TTC29: variants seen among roughly 807,000 people sequenced by gnomAD.
TTC29 encodes tetratricopeptide repeat domain 29, also known as tetratricopeptide repeat protein 29.
In TTC29, 49 loss-of-function variants were observed where a neutral mutation model predicts 58.1. The ratio of observed to expected loss-of-function variants is 0.84; its 90% CI spans 0.67 to 1.07. TTC29 has a LOEUF of 1.07. Ranked by LOEUF, TTC29 falls within the 50% of genes least tolerant of loss-of-function variation. The probability of loss-of-function intolerance (pLI) is 0.00; values close to 1 mark genes in which losing one functional copy is unlikely to be tolerated. For synonymous variants in TTC29, 209 were observed against 196.8 expected, an observed-to-expected ratio of 1.06 and a Z score of -0.52; for missense variants, 582 against 555.6, an observed-to-expected ratio of 1.05 and a Z score of -0.48.
At chr4:146,913,067 G>C (rs1449752987) in intron 4 of TTC29, among the ~76,000 whole-genome samples, 1 of 152,114 alleles carries the variant, frequency 6.6e-6, no homozygotes, top group Non-Finnish European at 1.5e-5. Flanking sequence ...ACCTCCACGT[G>C]TTACCCTAGA....
intron 11 of TTC29, among the ~76,000 whole-genome samples, chr4:146,713,677 T>C (rs1268333807): frequency 6.6e-6 from 1 of 152,128 alleles, no homozygotes; most frequent in Non-Finnish European, 1.5e-5. Flanking sequence ...GCCAAGGGCT[T>C]TTATTAATAT....
intron 11 of TTC29, among the ~76,000 whole-genome samples, chr4:146,775,572 T>C (rs1296818867): frequency 6.6e-6 from 1 of 151,632 alleles, no homozygotes; most frequent in African/African-American, 2.4e-5. Context: ...GAATGCTGAA[T>C]ATAGGCCCCT....
intron 11 of TTC29, among the ~76,000 whole-genome samples, chr4:146,728,150 G>T (rs1743927842): frequency 6.6e-6 from 1 of 151,940 alleles, no homozygotes; most frequent in Non-Finnish European, 1.5e-5. Context: ...AGCCGGGCGA[G>T]GTGGTGGGCA....
intron 8 of TTC29, among the ~76,000 whole-genome samples, chr4:146,862,023 G>A (rs1034505317): frequency 6.6e-6 from 1 of 152,060 alleles, no homozygotes; most frequent in Admixed American, 6.6e-5. Context: ...AGCTGTTTCT[G>A]AGCCTTCTTA....
At chr4:146,938,315 A>C (rs1736038320) in intron 3 of TTC29, among the ~76,000 whole-genome samples, 1 of 152,146 alleles carries the variant, frequency 6.6e-6, no homozygotes, top group East Asian at 1.9e-4. Flanking sequence ...AACAAATATC[A>C]GTGTTTTATT....
intron 11 of TTC29, among the ~76,000 whole-genome samples, chr4:146,792,479 G>T (rs1749530686): frequency 6.6e-6 from 1 of 152,082 alleles, no homozygotes; most frequent in African/African-American, 2.4e-5. Context: ...ACTGCTCATT[G>T]ATAATGCATC....
intron 6 of TTC29, among the ~76,000 whole-genome samples, chr4:146,890,524 T>A (rs544409313): frequency 6.6e-6 from 1 of 152,184 alleles, no homozygotes; most frequent in South Asian, 2.1e-4. Context: ...ACAAGTGAGG[T>A]GCACCTGGGA....
chr4:146,811,150 T>C (rs1750997604), intron 10 of TTC29, among the ~76,000 whole-genome samples: 1 of 152,206 alleles, frequency 6.6e-6, no homozygotes, highest in Non-Finnish European at 1.5e-5. Context: ...TTGTTGTTGT[T>C]TGTTAGTCAG....
intron 4 of TTC29, among the ~76,000 whole-genome samples, chr4:146,912,187 G>A (rs543785790): frequency 6.6e-6 from 1 of 152,252 alleles, no homozygotes; most frequent in South Asian, 2.1e-4. Context: ...AAGCCATCCT[G>A]GGCCGCATGT....
At chr4:146,779,029 T>C (rs2150084688) in intron 11 of TTC29, among the ~76,000 whole-genome samples, 1 of 81,156 alleles carries the variant, frequency 1.2e-5, no homozygotes, top group African/African-American at 6.4e-5. Flanking sequence ...AGAAATGCTG[T>C]TGTAAGACTT....
At chr4:146,755,734 T>C (rs1156504708) in intron 11 of TTC29, among the ~76,000 whole-genome samples, 1 of 152,074 alleles carries the variant, frequency 6.6e-6, no homozygotes, top group African/African-American at 2.4e-5. Context: ...TTATATACCT[T>C]AGATATACCC....
intron 8 of TTC29, among the ~76,000 whole-genome samples, chr4:146,867,073 A>G (rs1730607483): frequency 6.6e-6 from 1 of 152,282 alleles, no homozygotes; most frequent in African/African-American, 2.4e-5. Context: ...GAAGATATAC[A>G]TCAATGCAGC....
intron 8 of TTC29, among the ~76,000 whole-genome samples, chr4:146,852,282 G>A (rs941540010): frequency 6.6e-6 from 1 of 152,164 alleles, no homozygotes; most frequent in Non-Finnish European, 1.5e-5. Flanking sequence ...TCATTAAGTG[G>A]AACAGATGAG....
chr4:146,933,542 A>C (rs1735510102), intron 4 of TTC29, among the ~76,000 whole-genome samples: 1 of 152,182 alleles, frequency 6.6e-6, no homozygotes, highest in Non-Finnish European at 1.5e-5. Flanking sequence ...AAGTACAGAA[A>C]CTCTTCGGAC....
intron 7 of TTC29, among the ~76,000 whole-genome samples, chr4:146,874,329 T>A (rs1731115515): frequency 1.3e-5 from 2 of 152,148 alleles, no homozygotes; most frequent in Non-Finnish European, 2.9e-5. Flanking sequence ...TTTTCCTTAT[T>A]ACCTGACCAT....
chr4:146,930,747 C>T (rs1187762285), intron 4 of TTC29, among the ~76,000 whole-genome samples: 1 of 152,132 alleles, frequency 6.6e-6, no homozygotes, highest in African/African-American at 2.4e-5. Context: ...CCATCTTGCC[C>T]CATACATTGA....
At chr4:146,862,577 A>T (rs1378017283) in intron 8 of TTC29, among the ~76,000 whole-genome samples, 3 of 152,220 alleles carry the variant, frequency 2.0e-5, no homozygotes, top group Non-Finnish European at 2.9e-5. Context: ...TTCAAATCTG[A>T]AGTCAAAGCA....
chr4:146,810,002 T>G (rs913689483), intron 10 of TTC29, among the ~76,000 whole-genome samples: 2 of 152,160 alleles, frequency 1.3e-5, no homozygotes, highest in Non-Finnish European at 2.9e-5. Context: ...AGCAAAGACT[T>G]GGAACCAACC....
chr4:146,910,596 T>C (rs900877466), intron 4 of TTC29, among the ~76,000 whole-genome samples: 6 of 151,934 alleles, frequency 3.9e-5, no homozygotes, highest in Non-Finnish European at 7.4e-5. Context: ...AGTGAGAAGT[T>C]TGGACTCCAA....
Sources: gnomAD v4.1 joint callset for allele counts (sites outside exome capture counted in the v4.1 genomes callset) on GRCh38, gnomAD v4.1.1 for gene constraint, MANE v1.5 for transcripts, NCBI Gene and HGNC (gene_info 2026-07-23, HGNC 2026-07-21) for gene names.